DOCK8: variants seen among roughly 807,000 people sequenced by gnomAD.
DOCK8 encodes the protein dedicator of cytokinesis protein 8.
In DOCK8, 141 loss-of-function variants were observed where a neutral mutation model predicts 245.6. The observed-to-expected ratio is 0.57, with a 90% confidence interval of 0.50 to 0.66. The LOEUF (loss-of-function observed/expected upper bound fraction) is 0.66. DOCK8 is among the 30% of genes least tolerant of loss of function. The pLI, the probability that DOCK8 is intolerant of heterozygous loss-of-function variation, is 0.00. For missense variants in DOCK8, 2,965 were observed against 2,603.4 expected (o/e 1.14, Z -3.02); for synonymous variants, 1,168 against 970.2 (o/e 1.20, Z -3.79).
Position 336,719 on chromosome 9 carries a change from G to A in DOCK8, c.1422+1G>A. ...GAGCGTTAGCAGCTTTTTCAAGCAG[G>A]TATCTCTTCACATTACAGTGTGTCT... is the stretch of plus-strand genomic sequence containing the variant. On this transcript the variant is annotated splice_donor_variant, in intron 12 of 47. Coordinates refer to ENST00000432829, the MANE Select transcript of DOCK8 (RefSeq NM_203447.4). LOFTEE classifies it high-confidence loss of function. The A allele has an allele frequency of 6.2e-7, 1 of 1,613,922 alleles. No homozygotes were observed. Among genetic ancestry groups the A allele is most frequent in the Non-Finnish European group, 8.5e-7 (1 of 1,179,912 alleles).
chr9:296,760 G>A (rs749318308), intron 4 of DOCK8, among the ~76,000 whole-genome samples: 15 of 152,274 alleles, frequency 9.9e-5, no homozygotes, highest in Admixed American at 7.2e-4. Context: ...AAGCACGCCC[G>A]GCTCATCAGC....
Position 433,995 on chromosome 9 carries a change from T to C in DOCK8, c.4886+20T>C. The C allele has an allele frequency of 1.3e-6, 2 of 1,556,756 alleles. No individual in the cohort carries two copies. The highest frequency in any genetic ancestry group is 1.8e-6 in the Non-Finnish European group (2 of 1,127,444). The stretch of plus-strand genomic sequence containing the variant: ...GTACAGGTAAGCTTTCCTGACACAC[T>C]CAAGGGACACCATTTGGGGGTCGAG... On this transcript the variant is annotated intron_variant, in intron 38 of 47. Transcript: ENST00000432829.
intron 20 of DOCK8, among the ~76,000 whole-genome samples, chr9:379,154 G>C (rs918693220): frequency 6.6e-6 from 1 of 152,154 alleles, no homozygotes; most frequent in Non-Finnish European, 1.5e-5. Flanking sequence ...GAGCCAAAAA[G>C]GGTACAAGGT....
intron 14 of DOCK8, among the ~76,000 whole-genome samples, chr9:367,748 T>C (rs1180535077): frequency 6.6e-6 from 1 of 152,184 alleles, no homozygotes; most frequent in Non-Finnish European, 1.5e-5. Context: ...TAGGCAGATT[T>C]CCACATTCCA....
intron 2 of DOCK8, among the ~76,000 whole-genome samples, chr9:282,586 CT>C (rs999474049): frequency 6.9e-6 from 1 of 145,668 alleles, no homozygotes; most frequent in Non-Finnish European, 1.5e-5. Flanking sequence ...ACCCATCTAA[CT>C]TTAAAAAAAA....
At chr9:443,796 C>G (rs1232050889) in intron 43 of DOCK8, among the ~76,000 whole-genome samples, 2 of 152,126 alleles carry the variant, frequency 1.3e-5, no homozygotes, top group African/African-American at 4.8e-5. Context: ...GCAACGACCC[C>G]TGGAAGTAGA....
chr9:357,882 A>C (rs1000071434), intron 14 of DOCK8, among the ~76,000 whole-genome samples: 3 of 152,154 alleles, frequency 2.0e-5, no homozygotes, highest in Admixed American at 1.3e-4. Context: ...TCTTCAACCT[A>C]CACATCAGGA....
At chr9:386,535 G>T in intron 23 of DOCK8, 109 bp downstream of exon 23, 2 of 915,470 alleles carry the variant, frequency 2.2e-6, no homozygotes, top group Non-Finnish European at 3.4e-6. Flanking sequence ...GCCTGTCCCT[G>T]ATGTGCTAAC....
intron 4 of DOCK8, among the ~76,000 whole-genome samples, chr9:299,147 C>G (rs181311505): frequency 6.6e-6 from 1 of 152,082 alleles, no homozygotes; most frequent in Non-Finnish European, 1.5e-5. Flanking sequence ...CCCCTGACCC[C>G]CAGCCAGGAT....
intron 7 of DOCK8, among the ~76,000 whole-genome samples, chr9:325,450 C>G (rs1338178435): frequency 1.3e-5 from 2 of 152,154 alleles, no homozygotes; most frequent in African/African-American, 4.8e-5. Flanking sequence ...ATCCACCATG[C>G]TTTTGTAATG....
chr9:280,214 G>A (rs2048519150), intron 2 of DOCK8, among the ~76,000 whole-genome samples: 1 of 152,128 alleles, frequency 6.6e-6, no homozygotes, highest in South Asian at 2.1e-4. Flanking sequence ...TATTTTTTGT[G>A]TGTTTCTAGT....
At chr9:240,469 C>T (rs184803093) in intron 1 of DOCK8, among the ~76,000 whole-genome samples, 32 of 151,874 alleles carry the variant, frequency 2.1e-4, no homozygotes, top group Admixed American at 1.6e-3. Context: ...CAGCTATACC[C>T]AACAGGTAAA....
intron 46 of DOCK8, among the ~76,000 whole-genome samples, chr9:461,168 G>A (rs1044888365): frequency 1.3e-5 from 2 of 152,210 alleles, no homozygotes; most frequent in African/African-American, 2.4e-5. Context: ...ACCATGATGA[G>A]TTCTAAAGAT....
At chr9:318,163 G>A (rs1028791258) in intron 7 of DOCK8, among the ~76,000 whole-genome samples, 5 of 152,088 alleles carry the variant, frequency 3.3e-5, no homozygotes, top group African/African-American at 9.7e-5. Context: ...ACCTCTCTTC[G>A]TCTCTGCAGA....
chr9:414,369 A>G (rs2055889102), intron 28 of DOCK8, among the ~76,000 whole-genome samples: 1 of 152,276 alleles, frequency 6.6e-6, no homozygotes, highest in South Asian at 2.1e-4. Flanking sequence ...ATGCTACAAT[A>G]TGATAAACTT....
chr9:368,513 T>C (rs887342022), intron 15 of DOCK8: 2 of 568,378 alleles, frequency 3.5e-6, no homozygotes, highest in South Asian at 2.1e-5. Context: ...CACTGTGTTA[T>C]ACACACACAG....
At chr9:403,736 G>A (rs1490154628) in intron 26 of DOCK8, among the ~76,000 whole-genome samples, 1 of 151,238 alleles carries the variant, frequency 6.6e-6, no homozygotes, top group Admixed American at 6.6e-5. Flanking sequence ...ATGTTGATGT[G>A]CACCTGTAAT....
At chr9:299,055 A>G (rs1267391620) in intron 4 of DOCK8, among the ~76,000 whole-genome samples, 1 of 152,182 alleles carries the variant, frequency 6.6e-6, no homozygotes. Context: ...CTGGTTCAGT[A>G]TATTGTTATT....
chr9:301,986 T>A (rs479165), intron 4 of DOCK8, among the ~76,000 whole-genome samples: 133,076 of 151,076 alleles, frequency 0.88, 58,684 homozygotes, highest in Admixed American at 0.92. Flanking sequence ...TCACAGAATT[T>A]AAAAAAAAAA....
Sources: allele counts gnomAD v4.1 joint callset (sites outside exome capture counted in the v4.1 genomes callset), GRCh38; gene constraint gnomAD v4.1.1; transcripts MANE v1.5; gene names NCBI Gene and HGNC (gene_info 2026-07-23, HGNC 2026-07-21).